Variants in THAP9 observed in about 807,000 individuals in gnomAD.
THAP9 encodes DNA transposase THAP9.
A neutral mutation model predicts 35.7 loss-of-function variants in THAP9; 20 were observed. The ratio of observed to expected loss-of-function variants is 0.56; its 90% confidence interval spans 0.39 to 0.81. The LOEUF (loss-of-function observed/expected upper bound fraction) is 0.81. Among genes scored for constraint, THAP9 ranks in the 40% least tolerant of loss-of-function variants. THAP9 has a pLI of 0.00. For synonymous variants in THAP9, 335 were observed against 373.7 expected (o/e 0.90, Z 1.19); for missense variants, 870 against 1,047.4 (o/e 0.83, Z 2.34).
intron 1 of THAP9, among the ~76,000 whole-genome samples, chr4:82,901,726 G>C (rs374283922): frequency 7.2e-6 from 1 of 138,364 alleles, no homozygotes; most frequent in Non-Finnish European, 1.6e-5. Context: ...TTTTTTTTTT[G>C]TTTTCTATTT....
chr4:82,908,931 G>T (rs1303006169), intron 4 of THAP9, among the ~76,000 whole-genome samples: 1 of 145,612 alleles, frequency 6.9e-6, no homozygotes, highest in Non-Finnish European at 1.5e-5. Flanking sequence ...TTGAGATGGG[G>T]TCTTGCTCTG....
chr4:82,909,714 T>C (rs1405552526), intron 4 of THAP9, among the ~76,000 whole-genome samples: 2 of 152,202 alleles, frequency 1.3e-5, no homozygotes, highest in Non-Finnish European at 2.9e-5. Context: ...TACTCTTTCA[T>C]AATGTGATTT....
intron 4 of THAP9, among the ~76,000 whole-genome samples, chr4:82,912,395 G>A (rs974002774): frequency 1.3e-5 from 2 of 152,184 alleles, no homozygotes; most frequent in African/African-American, 2.4e-5. Context: ...AGTAACAACA[G>A]TGGGAGTAGC....
Position 82,918,583 on chromosome 4 carries a change from G to T in THAP9, c.2371G>T (p.Val791Phe), listed in dbSNP as rs1199192047. ...THSRMAIFEL[V>F]SKQRELYLQQ... is the part of the protein sequence containing the mutation. ...TTCAAGAATGGCAATTTTTGAACTA[G>T]TTTCTAAACAAAGGGAATTGTATCT... The change falls in exon 5 of 5, where the codon GTT (valine) becomes TTT (phenylalanine). Residue 791 changes from valine (V) to phenylalanine (F), a missense_variant. This residue lies in a region of THAP9 where 414 missense variants were observed against 500.8 expected (regional missense o/e 0.83). Transcript: ENST00000302236. 1 of 1,613,986 alleles carries T rather than the reference G, an allele frequency of 6.2e-7. No individual in the cohort carries two copies. Among genetic ancestry groups the T allele is most frequent in the Admixed American group, 1.7e-5 (1 of 59,988 alleles).
rs1208493796 is a variant in THAP9 at position 82,918,517 on chromosome 4, T to C, written c.2305T>C (p.Cys769Arg). 2 of 1,614,196 alleles carry C rather than the reference T, an allele frequency of 1.2e-6. No individual in the cohort carries two copies. The highest frequency in any genetic ancestry group is 1.3e-5 in the African/African-American group (1 of 75,064). ...TTTGCATTTTCCTTCAGAAAGTCTG[T>C]GTCGGGTCATAAATATTTGTGAGCG... ...NGLHFPSESL[C>R]RVINICERVV... is the part of the protein sequence containing the mutation. The change falls in exon 5 of 5, where the codon TGT becomes CGT. Residue 769 changes from cysteine to arginine, a missense_variant. Transcript: ENST00000302236.
intron 1 of THAP9, 43 bp downstream of exon 1, chr4:82,900,925 G>A (rs1473868757): frequency 1.9e-5 from 31 of 1,607,152 alleles, no homozygotes; most frequent in Middle Eastern, 1.7e-4. Flanking sequence ...CTCCCTGCGG[G>A]GCCCGGCGGG....
At position 82,916,933 on chromosome 4, in the gene THAP9, A is replaced by G. The variant is rs1206255856; in HGVS notation, c.732-11A>G. 2 of 1,486,686 alleles carry G rather than the reference A, an allele frequency of 1.3e-6. No homozygotes were observed. The highest frequency in any genetic ancestry group is 2.4e-5 in the Admixed American group (1 of 41,834). The allele number at this position is 1,486,686 out of a possible 1,614,324, so 92.1% of individuals were successfully genotyped here. ...CTCTTTGAGTGTTCTTTCACTTTTT[A>G]TGTATTCTAGGTGGTTATCCAAATG... On this transcript the variant is annotated splice_polypyrimidine_tract_variant and intron_variant, in intron 4 of 4. Coordinates refer to ENST00000302236, the MANE Select transcript of THAP9 (RefSeq NM_024672.6).
rs1226135459 is a variant in THAP9 at position 82,904,716 on chromosome 4, C to T, written c.81-20C>T. The T allele has an allele frequency of 6.2e-7, 1 of 1,612,370 alleles. No individual in the cohort carries two copies. Among genetic ancestry groups the T allele is most frequent in the Non-Finnish European group, 8.5e-7 (1 of 1,178,676 alleles). ...CTATAATGTTTTCATGTTAATGGAA[C>T]TTTAATGTGATTGTCATAGATTTCC... On this transcript the variant is annotated intron_variant, in intron 1 of 4. Coordinates refer to ENST00000302236, the MANE Select transcript of THAP9 (RefSeq NM_024672.6).
chr4:82,905,871 A>G (rs1361256960), intron 2 of THAP9: 2 of 456,040 alleles, frequency 4.4e-6, no homozygotes, highest in Non-Finnish European at 8.8e-6. Context: ...ATGAGGACAC[A>G]AGGGATTGTA....
intron 4 of THAP9, among the ~76,000 whole-genome samples, chr4:82,913,594 G>C (rs1720939863): frequency 1.9e-5 from 1 of 51,694 alleles, no homozygotes; most frequent in Non-Finnish European, 7.6e-5. Context: ...TTTAGGTTCA[G>C]GGGTACATGT....
chr4:82,906,599 A>T lies in THAP9; in HGVS notation c.552A>T (p.Thr184=), dbSNP rs1298941504. 1 of 1,607,512 alleles carries T rather than the reference A, an allele frequency of 6.2e-7. No homozygotes were observed. The highest frequency in any genetic ancestry group is 8.5e-7 in the Non-Finnish European group (1 of 1,176,630). The change falls in exon 3 of 5, where the codon ACA becomes ACT. Residue 184 remains threonine, a synonymous_variant. Transcript: ENST00000302236. ...AAGAGAAACTACTTTCTGAAGAAACAGAGTGTCTGCTACGAGCTCAATTTT... is the reference window on the plus strand; with the variant it reads ...AAGAGAAACTACTTTCTGAAGAAACTGAGTGTCTGCTACGAGCTCAATTTT... ...LVEEKLLSEE[T]ECLLRAQFSD... is the part of the protein sequence containing the mutation.
intron 4 of THAP9, chr4:82,913,520 T>C (rs1720935567): frequency 6.6e-6 from 1 of 152,220 alleles, no homozygotes; most frequent in Non-Finnish European, 1.5e-5. Context: ...TAGTGTGCTG[T>C]AGCACTGCTA....
At chr4:82,910,563 T>A (rs1308239492) in intron 4 of THAP9, 1 of 206,202 alleles carries the variant, frequency 4.8e-6, no homozygotes, top group Non-Finnish European at 8.9e-6. Context: ...AATATAAGAT[T>A]CTTATATTAA....
intron 1 of THAP9, among the ~76,000 whole-genome samples, chr4:82,902,407 A>G (rs191913194): frequency 2.0e-5 from 3 of 152,136 alleles, no homozygotes; most frequent in East Asian, 3.9e-4. Flanking sequence ...TAATTGTTCA[A>G]TACTTTGGGG....
rs973196291 is a variant in THAP9 at position 82,900,892 on chromosome 4, G to C, written c.80+10G>C. ...GCCTCTCCTTCCACCAGTGCGTATG[G>C]GAGCAGCCTCGAAGCCTTCGAACTC... On this transcript the variant is annotated intron_variant, in intron 1 of 4. Coordinates refer to ENST00000302236, the MANE Select transcript of THAP9 (RefSeq NM_024672.6). The C allele has an allele frequency of 5.0e-6, 8 of 1,612,928 alleles. No individual in the cohort carries two copies. The Admixed American group carries it at 5.0e-5, about 10-fold the overall frequency.
At chr4:82,901,833 T>G (rs1318750066) in intron 1 of THAP9, among the ~76,000 whole-genome samples, 1 of 152,096 alleles carries the variant, frequency 6.6e-6, no homozygotes, top group Non-Finnish European at 1.5e-5. Context: ...TTTCTTGTGA[T>G]AGAGGTAGTT....
chr4:82,918,427 C>G lies in THAP9; in HGVS notation c.2215C>G (p.Leu739Val), dbSNP rs763926043. 2 of 1,614,034 alleles carry G rather than the reference C, an allele frequency of 1.2e-6. No homozygotes were observed. The highest frequency in any genetic ancestry group is 2.7e-5 in the African/African-American group (2 of 74,930). The change falls in exon 5 of 5, where the codon CTG becomes GTG. Residue 739 changes from leucine (L) to valine (V), a missense_variant. Leu to Val is a conservative substitution (Grantham distance 32). Coordinates refer to ENST00000302236, the MANE Select transcript of THAP9 (RefSeq NM_024672.6). ...AACTTGTGAGGACTGCATCACTGCA[C>G]TGTATGCATCGGATCTCAAAGCCTC... ...LLTCEDCITA[L>V]YASDLKASKI...
Position 82,919,043 on chromosome 4 carries a change from C to A in THAP9, c.*119C>A. 1.2e-6 allele frequency: 1 copy of A among 807,874 alleles called. No individual in the cohort carries two copies. Among genetic ancestry groups the A allele is most frequent in the Non-Finnish European group, 1.9e-6 (1 of 536,060 alleles). The allele number at this position is 807,874 out of a possible 1,614,324, so 50.0% of individuals were successfully genotyped here. On this transcript the variant is annotated 3_prime_UTR_variant, in exon 5 of 5. Coordinates refer to ENST00000302236, the MANE Select transcript of THAP9 (RefSeq NM_024672.6). ...ACAGTGGACAAGTTTGCAATTCTGA[C>A]TTATTAAAATTTCAAATTCTGCATA... is the stretch of plus-strand genomic sequence containing the variant.
intron 4 of THAP9, among the ~76,000 whole-genome samples, chr4:82,911,660 T>C (rs1720871881): frequency 6.6e-6 from 1 of 152,202 alleles, no homozygotes; most frequent in African/African-American, 2.4e-5. Flanking sequence ...CAAGCAGTCG[T>C]CCAGTCAGCC....
Sources: allele counts gnomAD v4.1 joint callset (sites outside exome capture counted in the v4.1 genomes callset), GRCh38; gene constraint gnomAD v4.1.1; regional missense constraint gnomAD v4.1.1; transcripts MANE v1.5; gene names NCBI Gene and HGNC (gene_info 2026-07-23, HGNC 2026-07-21).